KCNJ6: variants seen among roughly 807,000 people sequenced by gnomAD.
The protein encoded by KCNJ6 is G protein-activated inward rectifier potassium channel 2.
Under a neutral mutation model 34.2 loss-of-function variants are expected in KCNJ6, and 9 were observed. The ratio of observed to expected loss-of-function variants is 0.26; its 90% CI spans 0.16 to 0.46. KCNJ6 has a LOEUF of 0.46. Among genes scored for constraint, KCNJ6 ranks in the 20% least tolerant of loss-of-function variants. The pLI is 1.00. For synonymous variants in KCNJ6, 196 were observed against 207.1 expected (o/e 0.95, Z 0.46); for missense variants, 236 against 531.3 (o/e 0.44, Z 5.46).
intron 1 of KCNJ6, among the ~76,000 whole-genome samples, chr21:37,897,412 G>C (rs1054173125): frequency 6.6e-6 from 1 of 152,208 alleles, no homozygotes; most frequent in African/African-American, 2.4e-5. Context: ...TCAGCCCAAA[G>C]CTTCCCATGC....
intron 3 of KCNJ6, among the ~76,000 whole-genome samples, chr21:37,674,599 G>A (rs2054556430): frequency 6.7e-6 from 1 of 150,264 alleles, no homozygotes; most frequent in South Asian, 2.1e-4. Context: ...CTCTCTGCTT[G>A]GAACACTCTC....
intron 3 of KCNJ6, among the ~76,000 whole-genome samples, chr21:37,655,088 C>T (rs1363555747): frequency 2.0e-5 from 3 of 151,756 alleles, no homozygotes; most frequent in Non-Finnish European, 2.9e-5. Context: ...AAGAGAAGGT[C>T]CTGGTGACAT....
intron 1 of KCNJ6, among the ~76,000 whole-genome samples, chr21:37,884,967 G>C (rs540447095): frequency 8.5e-4 from 130 of 152,312 alleles, no homozygotes; most frequent in African/African-American, 2.9e-3. Context: ...CTGGTCTAGA[G>C]CTTCTTGTTC....
At chr21:37,783,505 A>G (rs770240831) in intron 2 of KCNJ6, among the ~76,000 whole-genome samples, 1 of 152,128 alleles carries the variant, frequency 6.6e-6, no homozygotes, top group Non-Finnish European at 1.5e-5. Context: ...CCATGATTCT[A>G]AGGCCTCCCC....
At chr21:37,895,935 G>C (rs905611146) in intron 1 of KCNJ6, among the ~76,000 whole-genome samples, 1 of 152,154 alleles carries the variant, frequency 6.6e-6, no homozygotes, top group Non-Finnish European at 1.5e-5. Flanking sequence ...ATTGTATTAC[G>C]CCGTTCTTGG....
intron 3 of KCNJ6, among the ~76,000 whole-genome samples, chr21:37,641,842 T>C (rs1455152895): frequency 6.6e-6 from 1 of 152,024 alleles, no homozygotes; most frequent in African/African-American, 2.4e-5. Context: ...GAAATTATAG[T>C]ATTGGGACTA....
intron 2 of KCNJ6, among the ~76,000 whole-genome samples, chr21:37,765,691 A>G (rs573033320): frequency 6.6e-6 from 1 of 152,338 alleles, no homozygotes; most frequent in African/African-American, 2.4e-5. Context: ...AAACCCCTGA[A>G]GCCTTCTTTC....
At position 37,755,355 on chromosome 21, in the gene KCNJ6, A is replaced by G. The variant is rs73408758; in HGVS notation, c.26-40224T>C. Among the ~76,000 whole-genome samples the G allele has an allele frequency of 9.1e-3, 1,385 of 152,356 alleles. 18 individuals are homozygous for G. Among genetic ancestry groups the G allele is most frequent in the African/African-American group, 0.031 (1,298 of 41,578 alleles). Reference sequence around the variant, plus strand: ...TGCAAAAGCTTTCAAAGAAGGCAAGAAAAAGCTATGCCCCTGGGATAGAAG... The same window carrying G: ...TGCAAAAGCTTTCAAAGAAGGCAAGGAAAAGCTATGCCCCTGGGATAGAAG... On this transcript the variant is annotated intron_variant, in intron 2 of 3. Coordinates refer to ENST00000609713, the MANE Select transcript of KCNJ6 (RefSeq NM_002240.5).
intron 3 of KCNJ6, among the ~76,000 whole-genome samples, chr21:37,684,229 T>TC (rs1259394090): frequency 1.3e-5 from 2 of 152,146 alleles, no homozygotes; most frequent in African/African-American, 4.8e-5. Flanking sequence ...TCCAGGCCTC[T>TC]CCCCCGGGTT....
intron 2 of KCNJ6, among the ~76,000 whole-genome samples, chr21:37,728,821 C>G (rs1282500466): frequency 6.6e-6 from 1 of 152,174 alleles, no homozygotes; most frequent in Non-Finnish European, 1.5e-5. Context: ...CAAGTGGAAC[C>G]AGAAGTTCAA....
intron 2 of KCNJ6, among the ~76,000 whole-genome samples, chr21:37,830,000 C>T (rs1416389993): frequency 1.3e-5 from 2 of 152,208 alleles, no homozygotes; most frequent in Non-Finnish European, 2.9e-5. Context: ...GCCAGCTCTG[C>T]TCAGAATCAG....
chr21:37,757,769 T>C (rs1380781757), intron 2 of KCNJ6, among the ~76,000 whole-genome samples: 1 of 152,264 alleles, frequency 6.6e-6, no homozygotes, highest in African/African-American at 2.4e-5. Context: ...TCATTCCCTA[T>C]TACGGAGAAG....
At chr21:37,893,327 C>T (rs192506272) in intron 1 of KCNJ6, among the ~76,000 whole-genome samples, 2 of 152,270 alleles carry the variant, frequency 1.3e-5, no homozygotes, top group African/African-American at 2.4e-5. Flanking sequence ...CCTGCCTCAG[C>T]CTCCCAAGTA....
chr21:37,761,748 ATGTG>A (rs1419388225), intron 2 of KCNJ6, among the ~76,000 whole-genome samples: 5 of 148,868 alleles, frequency 3.4e-5, no homozygotes, highest in South Asian at 2.1e-4. Flanking sequence ...TGTGTGTGGT[ATGTG>A]TGTATGTGTT....
Position 37,613,949 on chromosome 21 carries a change from T to G in KCNJ6, c.*11210A>C, listed in dbSNP as rs1236646090. Reference sequence around the variant, plus strand: ...GTGTAGACTCATCCATTTCCACAGATGTACCATTGTGGTTTGGCATATCAC... The same window carrying G: ...GTGTAGACTCATCCATTTCCACAGAGGTACCATTGTGGTTTGGCATATCAC... On this transcript the variant is annotated 3_prime_UTR_variant, in exon 4 of 4. Coordinates refer to ENST00000609713, the MANE Select transcript of KCNJ6 (RefSeq NM_002240.5). 1 of 138,812 alleles carries G rather than the reference T, an allele frequency of 7.2e-6. No individual in the cohort carries two copies. Among genetic ancestry groups the G allele is most frequent in the Non-Finnish European group, 1.6e-5 (1 of 61,092 alleles). The allele number at this position is 138,812 out of a possible 1,614,324, so 8.6% of individuals were successfully genotyped here. A position where few individuals can be genotyped will look rare whatever the true frequency, so the allele number is the denominator to read the frequency against.
intron 2 of KCNJ6, among the ~76,000 whole-genome samples, chr21:37,813,808 A>G (rs1048887848): frequency 6.6e-6 from 1 of 152,234 alleles, no homozygotes; most frequent in African/African-American, 2.4e-5. Context: ...TACCACAGGA[A>G]AACACTGAGG....
At chr21:37,732,292 T>A (rs1344465956) in intron 2 of KCNJ6, among the ~76,000 whole-genome samples, 1 of 152,148 alleles carries the variant, frequency 6.6e-6, no homozygotes, top group African/African-American at 2.4e-5. Flanking sequence ...TCACCCCTGC[T>A]CAGAATGTGA....
chr21:37,649,793 C>A (rs1376965475), intron 3 of KCNJ6, among the ~76,000 whole-genome samples: 1 of 152,210 alleles, frequency 6.6e-6, no homozygotes, highest in Admixed American at 6.5e-5. Context: ...CGCTCTGTCG[C>A]CCTGGCTGGA....
At chr21:37,666,213 C>A (rs944817488) in intron 3 of KCNJ6, among the ~76,000 whole-genome samples, 1 of 152,156 alleles carries the variant, frequency 6.6e-6, no homozygotes, top group Non-Finnish European at 1.5e-5. Context: ...CTGGGAATGG[C>A]AAGGTCAGCT....
Sources: gnomAD v4.1 joint callset for allele counts (sites outside exome capture counted in the v4.1 genomes callset) on GRCh38, gnomAD v4.1.1 for gene constraint, MANE v1.5 for transcripts, NCBI Gene and HGNC (gene_info 2026-07-23, HGNC 2026-07-21) for gene names.